RBFOX1: variants seen among roughly 807,000 people sequenced by gnomAD.
RBFOX1 encodes the protein RNA binding protein fox-1 homolog 1.
Under a neutral mutation model 57.7 loss-of-function variants are expected in RBFOX1, and 8 were observed. The observed-to-expected ratio is 0.14, with a 90% CI of 0.08 to 0.25. RBFOX1 has a LOEUF of 0.25. Among genes scored for constraint, RBFOX1 ranks in the 10% least tolerant of loss-of-function variants. RBFOX1 has a pLI of 1.00. For synonymous variants in RBFOX1, 326 were observed against 222.4 expected (o/e 1.47, Z -4.15); for missense variants, 611 against 548.5 (o/e 1.11, Z -1.14).
intron 3 of RBFOX1, among the ~76,000 whole-genome samples, chr16:6,991,931 A>G (rs192681765): frequency 2.7e-3 from 405 of 152,312 alleles, no homozygotes; most frequent in South Asian, 4.8e-3. Context: ...TTCTGATTCA[A>G]TCAATAGGGT....
At chr16:6,695,596 C>G (rs947054810) in intron 3 of RBFOX1, among the ~76,000 whole-genome samples, 38 of 151,814 alleles carry the variant, frequency 2.5e-4, no homozygotes, top group African/African-American at 9.2e-4. Flanking sequence ...GATGAGCACT[C>G]TCAATATATT....
chr16:5,762,602 G>A (rs1203165217), intron 3 of RBFOX1, among the ~76,000 whole-genome samples: 1 of 152,146 alleles, frequency 6.6e-6, no homozygotes, highest in Non-Finnish European at 1.5e-5. Context: ...AAACTTAGCC[G>A]CAGAAGGCAC....
intron 1 of RBFOX1, among the ~76,000 whole-genome samples, chr16:6,221,379 C>T (rs1280552324): frequency 6.6e-6 from 1 of 152,116 alleles, no homozygotes; most frequent in Non-Finnish European, 1.5e-5. Flanking sequence ...GGTTCATCTT[C>T]CTAATAGAGG....
At position 6,790,559 on chromosome 16, in the gene RBFOX1, T is replaced by C. The variant is rs185763850; in HGVS notation, c.-16+135909T>C. On this transcript the variant is annotated intron_variant, in intron 3 of 15. Transcript: ENST00000550418. Reference sequence around the variant, plus strand: ...GTTCTCCTTTCCTATTTAGCCTCTATTCCCCCAAACCATTGTTTTCCCAAC... The same window carrying C: ...GTTCTCCTTTCCTATTTAGCCTCTACTCCCCCAAACCATTGTTTTCCCAAC... Among the ~76,000 whole-genome samples the C allele has an allele frequency of 3.3e-5, 5 of 152,284 alleles. No homozygotes were observed. The East Asian group carries it at 9.7e-4, about 29-fold the overall frequency.
chr16:7,405,625 G>T (rs1478234046), intron 4 of RBFOX1, among the ~76,000 whole-genome samples: 1 of 152,142 alleles, frequency 6.6e-6, no homozygotes, highest in East Asian at 1.9e-4. Context: ...CTCACACATT[G>T]TTATATTGGA....
intron 14 of RBFOX1, among the ~76,000 whole-genome samples, chr16:7,685,261 C>G (rs1598050625): frequency 6.6e-6 from 1 of 152,106 alleles, no homozygotes; most frequent in East Asian, 1.9e-4. Context: ...GAGGATCTAT[C>G]TTTATAAATT....
At position 7,612,048 on chromosome 16, in the gene RBFOX1, G is replaced by A. The variant is rs78684589; in HGVS notation, c.676+4710G>A. Among the ~76,000 whole-genome samples the A allele has an allele frequency of 7.2e-5, 11 of 152,192 alleles. No individual in the cohort carries two copies. In the East Asian group the frequency reaches 7.8e-4, roughly 11 times the overall value. On this transcript the variant is annotated intron_variant, in intron 10 of 15. Coordinates refer to ENST00000550418, the MANE Select transcript of RBFOX1 (RefSeq NM_018723.4). ...ATTCAAGACAAATGATTTGCCGGGC[G>A]CGGTGGCTCACGCCTGTAATCCCAG...
intron 2 of RBFOX1, among the ~76,000 whole-genome samples, chr16:6,510,283 C>A (rs986294834): frequency 6.6e-6 from 1 of 152,120 alleles, no homozygotes; most frequent in South Asian, 2.1e-4. Flanking sequence ...CTCTGAAAGC[C>A]GGCTTTTCAG....
In RBFOX1 at chr16:7,220,440, G is replaced by A. The variant is rs116408161; in HGVS notation, c.27+168342G>A. Reference sequence around the variant, plus strand: ...AATGCTAGAGAGAAAAGTGTTCATAGGAACCTAAAGAGACAGTGTGTTGAC... The same window carrying A: ...AATGCTAGAGAGAAAAGTGTTCATAAGAACCTAAAGAGACAGTGTGTTGAC... On this transcript the variant is annotated intron_variant, in intron 4 of 15. Transcript: ENST00000550418. Among the ~76,000 whole-genome samples the A allele has an allele frequency of 3.3e-3, 503 of 152,288 alleles. 5 individuals carry two copies. The highest frequency in any genetic ancestry group is 0.011 in the African/African-American group (464 of 41,574).
chr16:5,305,124 CTG>C (rs1437380218), intron 1 of RBFOX1, among the ~76,000 whole-genome samples: 7 of 152,134 alleles, frequency 4.6e-5, no homozygotes, highest in Non-Finnish European at 8.8e-5. Flanking sequence ...GTTGAGAAGT[CTG>C]AACGGGTAGC....
intron 2 of RBFOX1, among the ~76,000 whole-genome samples, chr16:6,569,747 A>C (rs1013669678): frequency 6.6e-6 from 1 of 152,168 alleles, no homozygotes; most frequent in African/African-American, 2.4e-5. Context: ...TTCATTCTCT[A>C]GAGAAAACCC....
chr16:7,338,786 C>A (rs61518234), intron 4 of RBFOX1, among the ~76,000 whole-genome samples: 1 of 152,186 alleles, frequency 6.6e-6, no homozygotes, highest in Admixed American at 6.5e-5. Context: ...CTATAAAGAA[C>A]TTACAAGTAA....
chr16:5,777,969 T>G (rs2054200450), intron 3 of RBFOX1, among the ~76,000 whole-genome samples: 1 of 152,150 alleles, frequency 6.6e-6, no homozygotes, highest in South Asian at 2.1e-4. Flanking sequence ...TGTGGTCACG[T>G]CCTCATTTTG....
At chr16:6,451,604 C>G (rs2094625328) in intron 2 of RBFOX1, among the ~76,000 whole-genome samples, 1 of 152,186 alleles carries the variant, frequency 6.6e-6, no homozygotes, top group Non-Finnish European at 1.5e-5. Flanking sequence ...TCACCACTCT[C>G]TAACTTAGAT....
intron 3 of RBFOX1, among the ~76,000 whole-genome samples, chr16:5,808,841 G>A (rs912068198): frequency 3.3e-5 from 5 of 152,126 alleles, no homozygotes; most frequent in Admixed American, 6.5e-5. Context: ...GGGTTTTCTA[G>A]ATATACAATC....
chr16:7,252,181 A>G (rs889011411), intron 4 of RBFOX1, among the ~76,000 whole-genome samples: 1 of 152,218 alleles, frequency 6.6e-6, no homozygotes, highest in Non-Finnish European at 1.5e-5. Flanking sequence ...ATCATCAAAA[A>G]GGAGGAAGGA....
chr16:7,629,087 C>T (rs1050152840), intron 10 of RBFOX1, among the ~76,000 whole-genome samples: 2 of 152,146 alleles, frequency 1.3e-5, no homozygotes, highest in African/African-American at 4.8e-5. Flanking sequence ...TGTTCTCCAG[C>T]TATAAGCATG....
chr16:7,708,933 T>C, intron 14 of RBFOX1, 123 bp from the exon 15 acceptor site: 1 of 807,516 alleles, frequency 1.2e-6, no homozygotes, highest in East Asian at 2.6e-5. Flanking sequence ...CAGAGTAGAA[T>C]TTGCTTCTCA....
At chr16:5,809,950 A>G (rs2055361676) in intron 3 of RBFOX1, among the ~76,000 whole-genome samples, 1 of 152,226 alleles carries the variant, frequency 6.6e-6, no homozygotes, top group African/African-American at 2.4e-5. Flanking sequence ...GATAGACTGG[A>G]TTAAGAAAAT....
Sources: gnomAD v4.1 joint callset for allele counts (sites outside exome capture counted in the v4.1 genomes callset) on GRCh38, gnomAD v4.1.1 for gene constraint, MANE v1.5 for transcripts, NCBI Gene and HGNC (gene_info 2026-07-23, HGNC 2026-07-21) for gene names.